Variants in CGNL1 observed in about 807,000 individuals in gnomAD.
CGNL1 encodes the protein cingulin-like protein 1.
In CGNL1, 132 loss-of-function variants were observed where a neutral mutation model predicts 141.2. The ratio of observed to expected loss-of-function variants is 0.93; its 90% CI spans 0.81 to 1.08. CGNL1 has a LOEUF of 1.08. CGNL1 is among the 50% of genes least tolerant of loss of function. The pLI is 0.00. For synonymous variants in CGNL1, 690 were observed against 622.1 expected (o/e 1.11, Z -1.63); for missense variants, 1,870 against 1,588.6 (o/e 1.18, Z -3.01).
chr15:57,480,684 A>AT (rs1205145308), intron 8 of CGNL1, among the ~76,000 whole-genome samples: 1 of 152,176 alleles, frequency 6.6e-6, no homozygotes, highest in Non-Finnish European at 1.5e-5. Flanking sequence ...CATCAGAAGA[A>AT]TTTAAATGAC....
In CGNL1 at chr15:57,550,098, A is replaced by G. The variant is rs147300530; in HGVS notation, c.*2608A>G. On this transcript the variant is annotated 3_prime_UTR_variant, in exon 19 of 19. Coordinates refer to ENST00000281282, the MANE Select transcript of CGNL1 (RefSeq NM_032866.5). ...AAGAGAACACAGGTCACTTTTCAAA[A>G]CACTTGCATCATTACCCTAAAAATA... 2.6e-5 allele frequency: 4 copies of G among 152,350 alleles called. No individual in the cohort carries two copies. The highest frequency in any genetic ancestry group is 5.9e-5 in the Non-Finnish European group (4 of 68,034). The allele number at this position is 152,350 out of a possible 1,614,324, so 9.4% of individuals were successfully genotyped here.
At chr15:57,383,414 T>C (rs1356951679) in intron 1 of CGNL1, among the ~76,000 whole-genome samples, 1 of 149,964 alleles carries the variant, frequency 6.7e-6, no homozygotes, top group Non-Finnish European at 1.5e-5. Context: ...TTCTCCTGCC[T>C]CAGCCTACTG....
Position 57,545,595 on chromosome 15 carries a change from T to C in CGNL1, c.3504T>C (p.Asp1168=), listed in dbSNP as rs2032814859. Residue 1168 remains aspartate, a synonymous_variant, in exon 17 of 19, where the codon GAT becomes GAC. Transcript: ENST00000281282. ...GGTTCTGTCTCCCCTCTTCCAGGGA[T>C]CGGGCCAATCTTCAGCTCAGCAACC... The part of the protein sequence containing the change: ...LEDRLESEER[D]RANLQLSNRR... 1 of 1,612,700 alleles carries C rather than the reference T, an allele frequency of 6.2e-7. No individual in the cohort carries two copies. The highest frequency in any genetic ancestry group is 8.5e-7 in the Non-Finnish European group (1 of 1,179,690).
chr15:57,502,149 G>A (rs2064033937), intron 8 of CGNL1, among the ~76,000 whole-genome samples: 1 of 152,186 alleles, frequency 6.6e-6, no homozygotes, highest in East Asian at 1.9e-4. Context: ...AAGGACCTTG[G>A]ACAGTTTAGC....
chr15:57,412,976 T>C (rs1285842999), intron 1 of CGNL1, among the ~76,000 whole-genome samples: 1 of 152,124 alleles, frequency 6.6e-6, no homozygotes. Flanking sequence ...TTCTCCTGCC[T>C]CAGCCTCCTG....
intron 1 of CGNL1, among the ~76,000 whole-genome samples, chr15:57,423,100 C>T (rs1314012584): frequency 6.6e-6 from 1 of 152,142 alleles, no homozygotes; most frequent in Non-Finnish European, 1.5e-5. Flanking sequence ...TTTTTGCCGG[C>T]ATTCCCAGGA....
rs1420815066 is a variant in CGNL1 at position 57,548,749 on chromosome 15, T to G, written c.*1259T>G. On this transcript the variant is annotated 3_prime_UTR_variant, in exon 19 of 19. Transcript: ENST00000281282. Reference sequence around the variant, plus strand: ...CAGCAAGCTTTTGGGATCGGGGGAATAAGAGGGTATGGGGGAAAGGTTCAT... The same window carrying G: ...CAGCAAGCTTTTGGGATCGGGGGAAGAAGAGGGTATGGGGGAAAGGTTCAT... 6.6e-6 allele frequency: 1 copy of G among 151,604 alleles called. No homozygotes were observed. The highest frequency in any genetic ancestry group is 1.5e-5 in the Non-Finnish European group (1 of 67,984). The allele number at this position is 151,604 out of a possible 1,614,324, so 9.4% of individuals were successfully genotyped here.
intron 1 of CGNL1, among the ~76,000 whole-genome samples, chr15:57,432,058 G>T (rs530447487): frequency 1.3e-5 from 2 of 152,206 alleles, no homozygotes; most frequent in South Asian, 2.1e-4. Flanking sequence ...TGGTAAAATA[G>T]AATTACTTGT....
intron 10 of CGNL1, among the ~76,000 whole-genome samples, chr15:57,519,116 T>C (rs1230954198): frequency 6.6e-6 from 1 of 152,216 alleles, no homozygotes; most frequent in Non-Finnish European, 1.5e-5. Flanking sequence ...ATTTTCCCAT[T>C]TGAAGTACAT....
At chr15:57,427,617 G>A (rs1405804687) in intron 1 of CGNL1, among the ~76,000 whole-genome samples, 1 of 152,262 alleles carries the variant, frequency 6.6e-6, no homozygotes, top group Non-Finnish European at 1.5e-5. Flanking sequence ...TGGATCTGTT[G>A]TTTTGAGTGA....
chr15:57,516,645 T>C (rs2030823057), intron 8 of CGNL1, 135 bp from the exon 9 acceptor site: 1 of 875,028 alleles, frequency 1.1e-6, no homozygotes, highest in Non-Finnish European at 1.8e-6. Context: ...GGCTGTCGTT[T>C]GCCGACCCCT....
chr15:57,469,151 G>T (rs545701358), intron 8 of CGNL1, among the ~76,000 whole-genome samples: 2 of 152,182 alleles, frequency 1.3e-5, no homozygotes, highest in East Asian at 3.9e-4. Context: ...AGAGAGTGGG[G>T]AGGAATGAGC....
intron 8 of CGNL1, among the ~76,000 whole-genome samples, chr15:57,510,284 ACTTCATCCCCCTT>A (rs1289998773): frequency 6.6e-6 from 1 of 152,224 alleles, no homozygotes; most frequent in African/African-American, 2.4e-5. Context: ...TAGGTGGGCA[ACTTCATCCCCCTT>A]CTTCAGATAG....
chr15:57,423,511 GC>G (rs1438311950), intron 1 of CGNL1, among the ~76,000 whole-genome samples: 4 of 152,022 alleles, frequency 2.6e-5, no homozygotes, highest in African/African-American at 9.7e-5. Context: ...TCTTTTGTTA[GC>G]CCATTCTGGT....
At chr15:57,461,647 G>A in intron 7 of CGNL1, 33 bp from the exon 8 acceptor site, 1 of 1,585,846 alleles carries the variant, frequency 6.3e-7, no homozygotes, top group Non-Finnish European at 8.7e-7. Context: ...ATGTTTCATT[G>A]TCACCTTCTC....
At position 57,438,777 on chromosome 15, in the gene CGNL1, C is replaced by G; in HGVS notation, c.778C>G (p.His260Asp). Residue 260 changes from histidine to aspartate, a missense_variant, in exon 2 of 19, where the codon CAC becomes GAC. Coordinates refer to ENST00000281282, the MANE Select transcript of CGNL1 (RefSeq NM_032866.5). ...LFTSGRPLTA[H>D]SPHAHPETKK... Reference sequence around the variant, plus strand: ...CACTAGCGGGAGGCCCCTGACTGCCCACAGCCCACATGCCCACCCTGAAAC... The same window carrying G: ...CACTAGCGGGAGGCCCCTGACTGCCGACAGCCCACATGCCCACCCTGAAAC... The G allele has an allele frequency of 3.1e-6, 5 of 1,614,148 alleles. No homozygotes were observed. Among genetic ancestry groups the G allele is most frequent in the Non-Finnish European group, 4.2e-6 (5 of 1,180,024 alleles).
At position 57,414,194 on chromosome 15, in the gene CGNL1, A is replaced by C. The variant is rs368278338; in HGVS notation, c.-15-23791A>C. 3.3e-5 allele frequency among the ~76,000 whole-genome samples: 5 copies of C among 152,168 alleles called. No homozygotes were observed. The South Asian group carries it at 6.2e-4, about 19-fold the overall frequency. The stretch of plus-strand genomic sequence containing the variant: ...GCAGCATCAGCAGGTTCCCTTTGCT[A>C]AGGGGGCTGCTGGGCTGGTGGCCCC... On this transcript the variant is annotated intron_variant, in intron 1 of 18. Coordinates refer to ENST00000281282, the MANE Select transcript of CGNL1 (RefSeq NM_032866.5).
chr15:57,489,903 G>A (rs1322431429), intron 8 of CGNL1, among the ~76,000 whole-genome samples: 1 of 152,184 alleles, frequency 6.6e-6, no homozygotes, highest in Non-Finnish European at 1.5e-5. Flanking sequence ...AGAGAAATTA[G>A]AGAGATTGTG....
At chr15:57,452,335 G>C in intron 6 of CGNL1, 46 bp downstream of exon 6, 1 of 1,565,566 alleles carries the variant, frequency 6.4e-7, no homozygotes, top group Non-Finnish European at 8.7e-7. Context: ...GGTTCTCTAT[G>C]ACATGTAGCT....
Sources: gnomAD v4.1 joint callset for allele counts (sites outside exome capture counted in the v4.1 genomes callset) on GRCh38, gnomAD v4.1.1 for gene constraint, MANE v1.5 for transcripts, NCBI Gene and HGNC (gene_info 2026-07-23, HGNC 2026-07-21) for gene names.